The following GLIS3 variants were observed in gnomAD, a reference collection of about 807,000 sequenced individuals.
GLIS3 encodes the protein GLIS family zinc finger 3, also known as zinc finger protein GLIS3.
Under a neutral mutation model 78.6 loss-of-function variants are expected in GLIS3, and 53 were observed. The observed-to-expected ratio is 0.67, with a 90% confidence interval of 0.54 to 0.85. GLIS3 has a LOEUF of 0.85. Among genes scored for constraint, GLIS3 ranks in the 40% least tolerant of loss-of-function variants. The pLI, the probability that GLIS3 is intolerant of heterozygous loss-of-function variation, is 0.00. For synonymous variants in GLIS3, 684 were observed against 509.9 expected (o/e 1.34, Z -4.60); for missense variants, 1,703 against 1,231.1 (o/e 1.38, Z -5.74).
chr9:4,375,343 T>G, the GLIS3 span, among the ~76,000 whole-genome samples: 1 of 151,988 alleles, frequency 6.6e-6, no homozygotes, highest in Non-Finnish European at 1.5e-5. Context: ...AGGTTGAGAG[T>G]GTGGGTACAG....
rs373877822 is a variant in GLIS3, at chr9:3,891,657, A to G, written c.2128+7034T>C. On this transcript the variant is annotated intron_variant, in intron 7 of 10. Coordinates refer to ENST00000381971, the MANE Select transcript of GLIS3 (RefSeq NM_001042413.2). Reference sequence around the variant, plus strand: ...TTCAAGGTTACAGTGAGCTATGATCATGCCACTGCACTCTAGCGTGAGTGG... The same window carrying G: ...TTCAAGGTTACAGTGAGCTATGATCGTGCCACTGCACTCTAGCGTGAGTGG... Among the ~76,000 whole-genome samples, 33 of 152,330 alleles carry G rather than the reference A, an allele frequency of 2.2e-4. 1 individual carries two copies. In the South Asian group the frequency reaches 6.8e-3, roughly 32 times the overall value.
At chr9:4,142,372 C>G (rs184644113) in intron 2 of GLIS3, among the ~76,000 whole-genome samples, 22 of 152,214 alleles carry the variant, frequency 1.4e-4, no homozygotes, top group African/African-American at 5.3e-4. Flanking sequence ...ACATAAGATT[C>G]TATGGTTTTC....
At chr9:3,973,892 T>C (rs1818567306) in intron 4 of GLIS3, among the ~76,000 whole-genome samples, 1 of 152,184 alleles carries the variant, frequency 6.6e-6, no homozygotes, top group Non-Finnish European at 1.5e-5. Flanking sequence ...GTTTACTTAA[T>C]GTTGCTGCTG....
chr9:4,237,027 C>G (rs1822824379), intron 2 of GLIS3, among the ~76,000 whole-genome samples: 1 of 152,008 alleles, frequency 6.6e-6, no homozygotes, highest in Non-Finnish European at 1.5e-5. Context: ...CATGTGGCCA[C>G]TCTTACTCTG....
chr9:4,476,262 T>C, the GLIS3 span, among the ~76,000 whole-genome samples: 1 of 152,226 alleles, frequency 6.6e-6, no homozygotes, highest in Non-Finnish European at 1.5e-5. Context: ...TTACAGTATC[T>C]TTTAAATATA....
chr9:4,349,839 G>C (rs1037544270), upstream of GLIS3, among the ~76,000 whole-genome samples: 8 of 152,222 alleles, frequency 5.3e-5, no homozygotes, highest in African/African-American at 9.7e-5. Context: ...GAAGCCTTCA[G>C]GGTGTCCTGA....
chr9:4,305,667 C>T (rs942171485), intron 4 of GLIS3: 2 of 152,164 alleles, frequency 1.3e-5, no homozygotes, highest in African/African-American at 2.4e-5. Flanking sequence ...GAGATGTGAA[C>T]AGGAAAGTTA....
chr9:4,374,864 G>C, the GLIS3 span, among the ~76,000 whole-genome samples: 1 of 152,194 alleles, frequency 6.6e-6, no homozygotes, highest in Non-Finnish European at 1.5e-5. Flanking sequence ...GCACACAATT[G>C]AATATACTAT....
the GLIS3 span, among the ~76,000 whole-genome samples, chr9:4,484,900 T>C: frequency 6.6e-6 from 1 of 151,578 alleles, no homozygotes; most frequent in Non-Finnish European, 1.5e-5. Context: ...GCATAAATTA[T>C]AACCAACCAT....
chr9:4,321,354 G>A (rs1185540370), intron 2 of GLIS3, among the ~76,000 whole-genome samples: 8 of 125,448 alleles, frequency 6.4e-5, no homozygotes, highest in Admixed American at 1.6e-4. Flanking sequence ...CCCAGGAGGC[G>A]GAGCTTGCAG....
At position 4,002,668 on chromosome 9, in the gene GLIS3, G is replaced by C. The variant is rs559556384; in HGVS notation, c.1711-65479C>G. On this transcript the variant is annotated intron_variant, in intron 4 of 10. Coordinates refer to ENST00000381971, the MANE Select transcript of GLIS3 (RefSeq NM_001042413.2). The stretch of plus-strand genomic sequence containing the variant: ...TGTCTTGCTGCCTCATTCTGCAGTG[G>C]CTGGAAAGGCAAACACTTTCCAATC... 3.4e-3 allele frequency among the ~76,000 whole-genome samples: 524 copies of C among 152,224 alleles called. 2 individuals carry two copies. The highest frequency in any genetic ancestry group is 0.012 in the African/African-American group (505 of 41,524).
intron 4 of GLIS3, among the ~76,000 whole-genome samples, chr9:4,013,914 TG>T (rs1311780106): frequency 5.3e-5 from 8 of 152,160 alleles, no homozygotes; most frequent in Non-Finnish European, 1.2e-4. Flanking sequence ...CATGTACAGT[TG>T]GGCAGGTTGT....
At chr9:4,002,237 C>T (rs977866989) in intron 4 of GLIS3, among the ~76,000 whole-genome samples, 4 of 152,106 alleles carry the variant, frequency 2.6e-5, no homozygotes, top group African/African-American at 9.7e-5. Context: ...TGCAGGCGGC[C>T]TCTAGAAGCT....
intron 2 of GLIS3, among the ~76,000 whole-genome samples, chr9:4,221,973 C>T (rs1488730794): frequency 2.6e-5 from 4 of 152,182 alleles, no homozygotes; most frequent in Non-Finnish European, 5.9e-5. Flanking sequence ...TGCTGGGACC[C>T]GATCAGCTGC....
At chr9:3,953,202 GAAA>G (rs199856847) in intron 4 of GLIS3, among the ~76,000 whole-genome samples, 6 of 151,776 alleles carry the variant, frequency 4.0e-5, no homozygotes, top group Non-Finnish European at 5.9e-5. Context: ...TCAGGCAGGG[GAAA>G]AAAAATGAAC....
In GLIS3 at chr9:4,279,324, TACACACACACACAC is replaced by T. The variant is rs141790371; in HGVS notation, c.388+6700_388+6713del. On this transcript the variant is annotated intron_variant, in intron 2 of 10. Transcript: ENST00000381971. ...AAAAAAAAAAAAAAAAATATATATA[TACACACACACACAC>T]ACACACACACACACACACACACACA... Among the ~76,000 whole-genome samples, 177 of 84,932 alleles carry T rather than the reference TACACACACACACAC, an allele frequency of 2.1e-3. 1 individual carries two copies. Among genetic ancestry groups the T allele is most frequent in the African/African-American group, 7.7e-3 (163 of 21,130 alleles). 55.7% of individuals were successfully genotyped at this position (84,932 alleles called of 152,430 possible).
At chr9:4,263,851 C>T (rs1825748665) in intron 2 of GLIS3, among the ~76,000 whole-genome samples, 1 of 152,178 alleles carries the variant, frequency 6.6e-6, no homozygotes, top group South Asian at 2.1e-4. Flanking sequence ...TTGCCTGCAT[C>T]TTCTTAGTTT....
At chr9:4,257,755 A>C (rs1466345836) in intron 2 of GLIS3, among the ~76,000 whole-genome samples, 1 of 151,814 alleles carries the variant, frequency 6.6e-6, no homozygotes, top group African/African-American at 2.4e-5. Flanking sequence ...TTTTATTTTT[A>C]GTAGAGATGG....
chr9:4,165,839 A>T lies in GLIS3; in HGVS notation c.389-39898T>A, dbSNP rs944240024. Among the ~76,000 whole-genome samples, 7 of 152,252 alleles carry T rather than the reference A, an allele frequency of 4.6e-5. No homozygotes were observed. In the East Asian group the frequency reaches 9.6e-4, roughly 21 times the overall value. ...GAGATTGCTCAGGCATCATGCATAC[A>T]GGGGATGAAGAACAGGGACAAGGAT... On this transcript the variant is annotated intron_variant, in intron 2 of 10. Transcript: ENST00000381971.
Sources: gnomAD v4.1 joint callset for allele counts (sites outside exome capture counted in the v4.1 genomes callset) on GRCh38, gnomAD v4.1.1 for gene constraint, MANE v1.5 for transcripts, NCBI Gene and HGNC (gene_info 2026-07-23, HGNC 2026-07-21) for gene names.